The following RBMS3 variants were observed in gnomAD, a reference collection of about 807,000 sequenced individuals.
RBMS3 encodes the protein RNA binding motif single stranded interacting protein 3.
A neutral mutation model predicts 66.8 loss-of-function variants in RBMS3; 27 were observed. That is an observed-to-expected ratio of 0.40 (90% CI 0.30 to 0.56). RBMS3 has a LOEUF of 0.56. RBMS3 is among the 20% of genes least tolerant of loss of function. The probability of loss-of-function intolerance (pLI) is 0.40; values close to 1 mark genes in which losing one functional copy is unlikely to be tolerated. For missense variants in RBMS3, 513 were observed against 549.5 expected (o/e 0.93, Z 0.66); for synonymous variants, 188 against 183.0 (o/e 1.03, Z -0.22).
rs2033521256 is a variant in RBMS3 at position 29,299,475 on chromosome 3, C to T, written c.75+17719C>T. Among the ~76,000 whole-genome samples the T allele has an allele frequency of 2.6e-5, 4 of 151,716 alleles. No individual in the cohort carries two copies. In the South Asian group the frequency reaches 6.2e-4, roughly 24 times the overall value. ...AATTCTTTATTGTTTTAATAAAATG[C>T]CTACATTTTGACTAAAATAATATGA... On this transcript the variant is annotated intron_variant, in intron 1 of 14. Coordinates refer to ENST00000383767, the MANE Select transcript of RBMS3 (RefSeq NM_001003793.3).
At chr3:29,445,919 C>A (rs1263008040) in intron 2 of RBMS3, among the ~76,000 whole-genome samples, 2 of 151,926 alleles carry the variant, frequency 1.3e-5, no homozygotes, top group Non-Finnish European at 2.9e-5. Context: ...GTTTTTTAAG[C>A]CAACATTATT....
chr3:29,430,381 A>G (rs552322592), intron 1 of RBMS3, among the ~76,000 whole-genome samples: 1 of 152,220 alleles, frequency 6.6e-6, no homozygotes, highest in African/African-American at 2.4e-5. Flanking sequence ...TTTGTTCAGA[A>G]AGCTTCTGAA....
intron 1 of RBMS3, among the ~76,000 whole-genome samples, chr3:29,328,938 G>A (rs1412690279): frequency 6.6e-6 from 1 of 152,128 alleles, no homozygotes; most frequent in Non-Finnish European, 1.5e-5. Flanking sequence ...ACATGAAAGA[G>A]TGTTCAGATG....
chr3:29,570,195 T>C (rs2046899416), intron 3 of RBMS3, among the ~76,000 whole-genome samples: 1 of 152,126 alleles, frequency 6.6e-6, no homozygotes. Flanking sequence ...TTTTAATTTT[T>C]GTGAGTACAT....
intron 6 of RBMS3, among the ~76,000 whole-genome samples, chr3:29,839,327 G>A (rs956693689): frequency 3.3e-5 from 5 of 151,992 alleles, no homozygotes; most frequent in African/African-American, 4.8e-5. Context: ...ACTTCCCTGC[G>A]GTGGCTCTCA....
chr3:29,622,062 C>A (rs2048885910), intron 4 of RBMS3, among the ~76,000 whole-genome samples: 1 of 152,030 alleles, frequency 6.6e-6, no homozygotes, highest in Non-Finnish European at 1.5e-5. Flanking sequence ...ATTAAAGGAT[C>A]CGGTGAACTC....
intron 6 of RBMS3, among the ~76,000 whole-genome samples, chr3:29,858,518 C>T (rs2149530646): frequency 1.3e-5 from 2 of 152,240 alleles, no homozygotes; most frequent in South Asian, 4.2e-4. Flanking sequence ...ACAAGTTTCG[C>T]TAGTCTGTTG....
At chr3:29,922,214 A>G (rs7649576) in intron 10 of RBMS3, among the ~76,000 whole-genome samples, 53,909 of 152,006 alleles carry the variant, frequency 0.35, 10,311 homozygotes, top group East Asian at 0.69. Flanking sequence ...GAGGCCGGGC[A>G]CGGTGGCTCA....
intron 12 of RBMS3, among the ~76,000 whole-genome samples, chr3:29,954,828 CT>C (rs1412733967): frequency 5.9e-5 from 9 of 151,942 alleles, no homozygotes; most frequent in Non-Finnish European, 1.2e-4. Context: ...CTTCTCTTTC[CT>C]ATTCATCCTT....
At chr3:29,337,618 G>C (rs904816089) in intron 1 of RBMS3, among the ~76,000 whole-genome samples, 2 of 152,008 alleles carry the variant, frequency 1.3e-5, no homozygotes, top group East Asian at 3.9e-4. Flanking sequence ...TGCAACCCAG[G>C]CTGGGTGACA....
chr3:29,610,766 A>G (rs2048464944), intron 4 of RBMS3, among the ~76,000 whole-genome samples: 1 of 152,084 alleles, frequency 6.6e-6, no homozygotes, highest in Non-Finnish European at 1.5e-5. Context: ...CCAGCTGTGA[A>G]TAGAGCATGA....
intron 2 of RBMS3, among the ~76,000 whole-genome samples, chr3:29,461,407 C>A (rs17724235): frequency 0.09 from 13,645 of 152,222 alleles, 684 homozygotes; most frequent in Non-Finnish European, 0.11. Context: ...TGCCATAGTT[C>A]CTCTCTCCAG....
chr3:29,643,743 C>T (rs1038894620), intron 4 of RBMS3, among the ~76,000 whole-genome samples: 3 of 151,890 alleles, frequency 2.0e-5, no homozygotes, highest in South Asian at 2.1e-4. Flanking sequence ...GAGAAAAGGC[C>T]GGAGAAAAGA....
intron 7 of RBMS3, among the ~76,000 whole-genome samples, chr3:29,873,567 A>G (rs1288476308): frequency 6.6e-6 from 1 of 152,080 alleles, no homozygotes; most frequent in Admixed American, 6.6e-5. Flanking sequence ...TCCTATTTGG[A>G]TGCCCTTTAT....
At chr3:29,708,110 G>A (rs1440521) in intron 4 of RBMS3, among the ~76,000 whole-genome samples, 12,023 of 152,166 alleles carry the variant, frequency 0.079, 1,593 homozygotes, top group African/African-American at 0.27. Context: ...GATTGACAGC[G>A]ATATATGCTA....
chr3:29,634,075 A>G (rs1431722790), intron 4 of RBMS3, among the ~76,000 whole-genome samples: 1 of 151,890 alleles, frequency 6.6e-6, no homozygotes, highest in African/African-American at 2.4e-5. Context: ...AAAATAAATA[A>G]TCTGATAGGT....
At chr3:29,639,591 GAC>G (rs953461170) in intron 4 of RBMS3, among the ~76,000 whole-genome samples, 10 of 140,834 alleles carry the variant, frequency 7.1e-5, no homozygotes, top group African/African-American at 2.4e-4. Flanking sequence ...ATAGAAGATA[GAC>G]AGAGAGAGAG....
intron 2 of RBMS3, among the ~76,000 whole-genome samples, chr3:29,453,821 C>A (rs1559374012): frequency 6.6e-6 from 1 of 152,180 alleles, no homozygotes; most frequent in Non-Finnish European, 1.5e-5. Context: ...GATGAAGTGA[C>A]AGCCTGCTGG....
At chr3:29,885,706 CAT>C (rs1258157979) in intron 8 of RBMS3, among the ~76,000 whole-genome samples, 1 of 151,702 alleles carries the variant, frequency 6.6e-6, no homozygotes, top group East Asian at 1.9e-4. Flanking sequence ...AATAAATATT[CAT>C]ATTTTATAAT....
Sources: gnomAD v4.1 joint callset for allele counts (sites outside exome capture counted in the v4.1 genomes callset) on GRCh38, gnomAD v4.1.1 for gene constraint, MANE v1.5 for transcripts, NCBI Gene and HGNC (gene_info 2026-07-23, HGNC 2026-07-21) for gene names.